Variants in IL36B observed in about 807,000 individuals in gnomAD.
IL36B encodes interleukin 36 beta, also known as interleukin-36 beta.
A neutral mutation model predicts 19.3 loss-of-function variants in IL36B; 23 were observed. The observed-to-expected ratio is 1.19, with a 90% confidence interval of 0.86 to 1.69. The LOEUF is 1.69. IL36B is among the 40% of genes most tolerant of loss of function. IL36B has a pLI of 0.00. For synonymous variants in IL36B, 59 were observed against 59.7 expected, an observed-to-expected ratio of 0.99 and a Z score of 0.05; for missense variants, 217 against 200.5, an observed-to-expected ratio of 1.08 and a Z score of -0.50.
chr2:113,041,105 G>A (rs556667585), intron 1 of IL36B, among the ~76,000 whole-genome samples: 5 of 150,702 alleles, frequency 3.3e-5, no homozygotes, highest in South Asian at 4.2e-4. Flanking sequence ...GCAGTCAGCC[G>A]AGATTGAGCC....
chr2:113,046,101 G>A lies in IL36B; in HGVS notation c.-58+6716C>T, dbSNP rs573726063. 2.6e-5 allele frequency among the ~76,000 whole-genome samples: 4 copies of A among 151,966 alleles called. No homozygotes were observed. The South Asian group carries it at 8.3e-4, about 32-fold the overall frequency. On this transcript the variant is annotated intron_variant, in intron 1 of 5. Transcript: ENST00000259213. Reference sequence around the variant, plus strand: ...AATTTACAGAAAAAGTGCAAAGATTGTGTATTAACATTTTACATTTGTTTT... The same window carrying A: ...AATTTACAGAAAAAGTGCAAAGATTATGTATTAACATTTTACATTTGTTTT...
In IL36B at chr2:113,027,826, G is replaced by A. The variant is rs75083712; in HGVS notation, c.261+1113C>T. The stretch of plus-strand genomic sequence containing the variant: ...GGCTGAACTGCTAGTGAACTCAGTC[G>A]CATAATGATCTGTTAAGATGACTCT... On this transcript the variant is annotated intron_variant, in intron 4 of 5. Transcript: ENST00000259213. 5.3e-5 allele frequency: 83 copies of A among 1,564,536 alleles called. 1 individual carries two copies. Among genetic ancestry groups the A allele is most frequent in the East Asian group, 1.8e-4 (8 of 43,248 alleles).
intron 1 of IL36B, among the ~76,000 whole-genome samples, chr2:113,036,081 G>A (rs1387888085): frequency 2.0e-5 from 3 of 152,034 alleles, no homozygotes; most frequent in Non-Finnish European, 2.9e-5. Flanking sequence ...AGTAGCTGGA[G>A]TTACAGGCAT....
chr2:113,025,757 T>G (rs1440345176), intron 5 of IL36B, among the ~76,000 whole-genome samples: 1 of 152,136 alleles, frequency 6.6e-6, no homozygotes, highest in Non-Finnish European at 1.5e-5. Context: ...TGCAAAGGCA[T>G]GAGCAGGAAC....
Position 113,022,794 on chromosome 2 carries a change from G to C in IL36B, c.392-17C>G, listed in dbSNP as rs918627482. The C allele has an allele frequency of 6.6e-7, 1 of 1,508,206 alleles. No homozygotes were observed. Among genetic ancestry groups the C allele is most frequent in the African/African-American group, 1.4e-5 (1 of 72,972 alleles). 93.4% of individuals were successfully genotyped at this position (1,508,206 alleles called of 1,614,324 possible). ...TCTTTCTACCTGCAGGAAAGGAGAAGTATCTCCTAGGCTTAGCAAGATGTG... is the reference window on the plus strand; with the variant it reads ...TCTTTCTACCTGCAGGAAAGGAGAACTATCTCCTAGGCTTAGCAAGATGTG... On this transcript the variant is annotated splice_polypyrimidine_tract_variant and intron_variant, in intron 5 of 5. Transcript: ENST00000259213.
intron 1 of IL36B, among the ~76,000 whole-genome samples, chr2:113,036,324 C>T (rs148417356): frequency 4.6e-5 from 7 of 151,212 alleles, no homozygotes; most frequent in African/African-American, 1.7e-4. Context: ...ACGTTCCATG[C>T]CCTCATTTTA....
At chr2:113,046,011 A>G (rs1685342423) in intron 1 of IL36B, among the ~76,000 whole-genome samples, 1 of 152,092 alleles carries the variant, frequency 6.6e-6, no homozygotes, top group Non-Finnish European at 1.5e-5. Context: ...CTGTAATTTT[A>G]CTGTGTTAGC....
At chr2:113,052,552 G>A (rs1178380360) in intron 1 of IL36B, among the ~76,000 whole-genome samples, 2 of 152,282 alleles carry the variant, frequency 1.3e-5, no homozygotes, top group Non-Finnish European at 2.9e-5. Context: ...TGGGAATGAG[G>A]CAACATAATA....
chr2:113,045,499 G>A (rs1332764985), intron 1 of IL36B, among the ~76,000 whole-genome samples: 2 of 151,994 alleles, frequency 1.3e-5, no homozygotes, highest in Non-Finnish European at 2.9e-5. Context: ...TTGAACCTGT[G>A]TTTATGGTTT....
chr2:113,052,534 G>A (rs1350154786), intron 1 of IL36B, among the ~76,000 whole-genome samples: 1 of 152,206 alleles, frequency 6.6e-6, no homozygotes, highest in Non-Finnish European at 1.5e-5. Flanking sequence ...TACCTTAGAG[G>A]ACTGATGTGG....
Position 113,022,561 on chromosome 2 carries a change from C to A in IL36B, c.*113G>T. ...ACATAGTGTCCTTGTTTTACAAACT[C>A]TCCAGAACCCAAGAAAAGAGAAAAA... On this transcript the variant is annotated 3_prime_UTR_variant, in exon 6 of 6. Transcript: ENST00000259213. The A allele has an allele frequency of 1.5e-6, 1 of 679,952 alleles. No homozygotes were observed. Among genetic ancestry groups the A allele is most frequent in the Non-Finnish European group, 2.6e-6 (1 of 381,092 alleles). 42.1% of individuals were successfully genotyped at this position (679,952 alleles called of 1,614,324 possible).
At chr2:113,030,758 A>G (rs1685059841) in intron 3 of IL36B, among the ~76,000 whole-genome samples, 1 of 152,194 alleles carries the variant, frequency 6.6e-6, no homozygotes, top group Non-Finnish European at 1.5e-5. Flanking sequence ...TGAAGGAGAG[A>G]AACTCCAAGG....
At chr2:113,044,123 G>A (rs2105055030) in intron 1 of IL36B, among the ~76,000 whole-genome samples, 1 of 152,102 alleles carries the variant, frequency 6.6e-6, no homozygotes, top group East Asian at 1.9e-4. Context: ...TGGCTTTTTG[G>A]GCCTTTCAAA....
Position 113,047,259 on chromosome 2 carries a change from A to G in IL36B, c.-58+5558T>C, listed in dbSNP as rs374677144. On this transcript the variant is annotated intron_variant, in intron 1 of 5. Transcript: ENST00000259213. The stretch of plus-strand genomic sequence containing the variant: ...TTCTGTGCCCGTCCCAAATTCAGCC[A>G]TTTTGCCAAGGGTGTTGGGTACTTT... Among the ~76,000 whole-genome samples the G allele has an allele frequency of 8.6e-5, 13 of 152,040 alleles. 2 individuals are homozygous for G. Among genetic ancestry groups the G allele is most frequent in the Admixed American group, 5.2e-4 (8 of 15,264 alleles).
At chr2:113,028,657 A>T (rs1391224646) in intron 4 of IL36B, among the ~76,000 whole-genome samples, 1 of 152,200 alleles carries the variant, frequency 6.6e-6, no homozygotes, top group East Asian at 1.9e-4. Context: ...AATGCAGTTA[A>T]ACAGGACCGA....
intron 1 of IL36B, among the ~76,000 whole-genome samples, chr2:113,036,965 T>C (rs1685177094): frequency 6.6e-6 from 1 of 152,262 alleles, no homozygotes; most frequent in South Asian, 2.1e-4. Context: ...GGGAATGTAA[T>C]AGAGTCACAG....
At chr2:113,044,215 C>T (rs544114032) in intron 1 of IL36B, among the ~76,000 whole-genome samples, 2 of 151,532 alleles carry the variant, frequency 1.3e-5, no homozygotes, top group Non-Finnish European at 2.9e-5. Context: ...TTATCCTTGG[C>T]AATATTCTTT....
rs141362488 is a variant in IL36B, at chr2:113,026,330, G to T, written c.262-98C>A. On this transcript the variant is annotated intron_variant, in intron 4 of 5. Transcript: ENST00000259213. Reference sequence around the variant, plus strand: ...CGGCAATGACTGGAGTAAAAGGCCTGCATACAGCATGTAAGGTGGGGTTCA... The same window carrying T: ...CGGCAATGACTGGAGTAAAAGGCCTTCATACAGCATGTAAGGTGGGGTTCA... 131 of 1,554,366 alleles carry T rather than the reference G, an allele frequency of 8.4e-5. No homozygotes were observed. The African/African-American group carries it at 1.5e-3, about 18-fold the overall frequency.
intron 1 of IL36B, among the ~76,000 whole-genome samples, chr2:113,034,150 G>T (rs371337316): frequency 7.0e-4 from 107 of 152,172 alleles, no homozygotes; most frequent in African/African-American, 2.1e-3. Flanking sequence ...ACATGATCTG[G>T]GTCCTCTTTA....
Sources: allele counts gnomAD v4.1 joint callset (sites outside exome capture counted in the v4.1 genomes callset), GRCh38; gene constraint gnomAD v4.1.1; transcripts MANE v1.5; gene names NCBI Gene and HGNC (gene_info 2026-07-23, HGNC 2026-07-21).